TACC2: variants seen among roughly 807,000 people sequenced by gnomAD.
The protein encoded by TACC2 is transforming acidic coiled-coil-containing protein 2.
A neutral mutation model predicts 227.3 loss-of-function variants in TACC2; 137 were observed. The ratio of observed to expected loss-of-function variants is 0.60; its 90% confidence interval spans 0.52 to 0.69. The LOEUF is 0.69. TACC2 is among the 30% of genes least tolerant of loss of function. The probability of loss-of-function intolerance (pLI) is 0.00; values close to 1 mark genes in which losing one functional copy is unlikely to be tolerated. For synonymous variants in TACC2, 1,523 were observed against 1,487.5 expected (o/e 1.02, Z -0.55); for missense variants, 3,470 against 3,694.4 (o/e 0.94, Z 1.57).
intron 3 of TACC2, among the ~76,000 whole-genome samples, chr10:122,082,209 G>C (rs1238908293): frequency 2.0e-5 from 3 of 152,198 alleles, no homozygotes; most frequent in African/African-American, 2.4e-5. Context: ...TTGGGAGGTT[G>C]AGGTGGGAGC....
At chr10:122,211,768 C>A in intron 9 of TACC2, 60 bp downstream of exon 9, 1 of 1,439,232 alleles carries the variant, frequency 6.9e-7, no homozygotes, top group South Asian at 1.4e-5. Context: ...GGCTGTGACC[C>A]TTGGTCATGT....
intron 19 of TACC2, among the ~76,000 whole-genome samples, chr10:122,245,509 C>T (rs964030345): frequency 3.3e-5 from 5 of 152,122 alleles, no homozygotes; most frequent in African/African-American, 1.2e-4. Context: ...AGAATATACA[C>T]CATACAGCGT....
At chr10:122,189,056 G>A (rs571955617) in intron 7 of TACC2, among the ~76,000 whole-genome samples, 2 of 152,262 alleles carry the variant, frequency 1.3e-5, no homozygotes, top group East Asian at 1.9e-4. Context: ...ATACAACAGA[G>A]CAATTCCTTT....
intron 7 of TACC2, chr10:122,163,441 G>T: frequency 2.2e-6 from 1 of 459,378 alleles, no homozygotes; most frequent in Non-Finnish European, 2.9e-6. Flanking sequence ...CGGTCCCGGC[G>T]AGGCGGGAGG....
chr10:122,044,471 T>C (rs1466063484), intron 2 of TACC2, among the ~76,000 whole-genome samples: 1 of 152,212 alleles, frequency 6.6e-6, no homozygotes, highest in African/African-American at 2.4e-5. Context: ...TGAAATCCGA[T>C]TCCTAATGCC....
At chr10:122,124,918 C>A (rs974208860) in intron 5 of TACC2, among the ~76,000 whole-genome samples, 1 of 152,116 alleles carries the variant, frequency 6.6e-6, no homozygotes, top group African/African-American at 2.4e-5. Flanking sequence ...AAGTTTCAGA[C>A]ATGAAGTCGC....
intron 1 of TACC2, among the ~76,000 whole-genome samples, chr10:122,020,463 G>GA (rs1957195370): frequency 1.3e-5 from 2 of 152,092 alleles, no homozygotes; most frequent in African/African-American, 4.8e-5. Context: ...TTTTAATTGG[G>GA]CCTGTTTGAA....
intron 2 of TACC2, among the ~76,000 whole-genome samples, chr10:122,047,087 G>C (rs1039202374): frequency 6.6e-6 from 1 of 151,672 alleles, no homozygotes; most frequent in Non-Finnish European, 1.5e-5. Context: ...TCAGGAGTTC[G>C]AGACTAGCCT....
At position 122,050,582 on chromosome 10, in the gene TACC2, C is replaced by T. The variant is rs2075562902; in HGVS notation, c.146+32C>T. On this transcript the variant is annotated intron_variant, in intron 3 of 22. Coordinates refer to ENST00000369005, the MANE Select transcript of TACC2 (RefSeq NM_206862.4). The surrounding 1 kb of genome is among the most constrained non-coding windows in gnomAD (Gnocchi z 4.6). ...GGCCAGCTCTGGAGGACTGATGCAG[C>T]CCAAGGACTGCCCCGCTCATTGCCT... is the stretch of plus-strand genomic sequence containing the variant. The T allele has an allele frequency of 5.9e-6, 9 of 1,536,634 alleles. No individual in the cohort carries two copies. The highest frequency in any genetic ancestry group is 7.2e-6 in the Non-Finnish European group (8 of 1,111,026).
chr10:122,024,434 G>T (rs1375397712), intron 2 of TACC2, among the ~76,000 whole-genome samples: 1 of 152,084 alleles, frequency 6.6e-6, no homozygotes, highest in African/African-American at 2.4e-5. Context: ...GTAACATCTT[G>T]CCAAACTATA....
At chr10:122,132,851 C>A in intron 6 of TACC2, 117 bp downstream of exon 6, 1 of 1,046,214 alleles carries the variant, frequency 9.6e-7, no homozygotes, top group Non-Finnish European at 1.4e-6. Flanking sequence ...AGTTTCACCC[C>A]CTCTGCACAC....
intron 7 of TACC2, among the ~76,000 whole-genome samples, chr10:122,168,188 A>C (rs2093293056): frequency 6.6e-6 from 1 of 151,862 alleles, no homozygotes; most frequent in African/African-American, 2.4e-5. Flanking sequence ...CACAGGCATG[A>C]GCCAGCGCAC....
chr10:122,110,401 TGGCTA>T (rs2083450853), intron 5 of TACC2, among the ~76,000 whole-genome samples: 1 of 152,236 alleles, frequency 6.6e-6, no homozygotes, highest in South Asian at 2.1e-4. Flanking sequence ...TTTCTGGTCG[TGGCTA>T]GGATCAGAGA....
chr10:122,083,671 G>C lies in TACC2; in HGVS notation c.1171G>C (p.Val391Leu). 6.2e-7 allele frequency: 1 copy of C among 1,611,944 alleles called. No homozygotes were observed. Among genetic ancestry groups the C allele is most frequent in the East Asian group, 2.2e-5 (1 of 44,882 alleles). ...AACCAAGCCCAATCAAGTTGTCTGT[G>C]TGGCAGCAGGCGGCCAGCCCGAAGG... ...RGTKPNQVVC[V>L]AAGGQPEGGL... is the part of the protein sequence containing the mutation. The change falls in exon 4 of 23, where the codon GTG becomes CTG. Residue 391 changes from valine (V) to leucine (L), a missense_variant. By Grantham distance (32) the Val-to-Leu change is conservative. This residue lies in a region of TACC2 where 1,924 missense variants were observed against 1,978.3 expected (regional missense o/e 0.97). Coordinates refer to ENST00000369005, the MANE Select transcript of TACC2 (RefSeq NM_206862.4).
intron 18 of TACC2, among the ~76,000 whole-genome samples, chr10:122,238,516 C>T (rs1023830665): frequency 6.6e-6 from 1 of 152,154 alleles, no homozygotes; most frequent in African/African-American, 2.4e-5. Flanking sequence ...GGCGCCACCT[C>T]GGCTCACTGC....
chr10:122,018,783 G>A (rs1956994525), intron 1 of TACC2, among the ~76,000 whole-genome samples: 1 of 151,950 alleles, frequency 6.6e-6, no homozygotes, highest in Non-Finnish European at 1.5e-5. Flanking sequence ...TTATCCATTC[G>A]TCTGTTGAAA....
At chr10:122,103,927 G>C (rs1053443389) in intron 5 of TACC2, among the ~76,000 whole-genome samples, 1 of 152,204 alleles carries the variant, frequency 6.6e-6, no homozygotes, top group African/African-American at 2.4e-5. Context: ...TCTGTTTCAA[G>C]AGACAGTACA....
chr10:122,021,239 A>AGGG (rs1554964390), intron 1 of TACC2, among the ~76,000 whole-genome samples: 1 of 146,128 alleles, frequency 6.8e-6, no homozygotes, highest in African/African-American at 2.6e-5. Context: ...GAAAAAAAAA[A>AGGG]GGCGGGGGGG....
rs1462970569 is a variant in TACC2, at chr10:121,989,440, T to A, written c.-94T>A. 6.6e-6 allele frequency: 1 copy of A among 152,232 alleles called. No individual in the cohort carries two copies. The highest frequency in any genetic ancestry group is 2.4e-5 in the African/African-American group (1 of 41,456). The allele number at this position is 152,232 out of a possible 1,614,324, so 9.4% of individuals were successfully genotyped here. A position where few individuals can be genotyped will look rare whatever the true frequency, so the allele number is the denominator to read the frequency against. Reference sequence around the variant, plus strand: ...TTCCTCTGAGGAGGGAAGAATAGAGTTGCTGCTGCAGACACATCAGATTCC... The same window carrying A: ...TTCCTCTGAGGAGGGAAGAATAGAGATGCTGCTGCAGACACATCAGATTCC... On this transcript the variant is annotated 5_prime_UTR_variant, in exon 1 of 23. In the 5' UTR this introduces an upstream ATG that the reference lacks. Transcript: ENST00000369005.
Sources: allele counts gnomAD v4.1 joint callset (sites outside exome capture counted in the v4.1 genomes callset), GRCh38; gene constraint gnomAD v4.1.1; regional missense constraint gnomAD v4.1.1; non-coding constraint Gnocchi (gnomAD v3.1); transcripts MANE v1.5; gene names NCBI Gene and HGNC (gene_info 2026-07-23, HGNC 2026-07-21).